CACNA1I: variants seen among roughly 807,000 people sequenced by gnomAD.
The protein encoded by CACNA1I is calcium voltage-gated channel subunit alpha1 I, also known as voltage-dependent T-type calcium channel subunit alpha-1I.
A neutral mutation model predicts 201.6 loss-of-function variants in CACNA1I; 74 were observed. The ratio of observed to expected loss-of-function variants is 0.37; its 90% CI spans 0.30 to 0.45. The LOEUF (loss-of-function observed/expected upper bound fraction) is 0.45. Ranked by LOEUF, CACNA1I falls within the 20% of genes least tolerant of loss-of-function variation. The pLI is 1.00. For missense variants in CACNA1I, 2,346 were observed against 3,138.1 expected (o/e 0.75, Z 6.03); for synonymous variants, 1,431 against 1,345.2 (o/e 1.06, Z -1.40).
In CACNA1I at chr22:39,619,367, G is replaced by C. The variant is rs774253210; in HGVS notation, c.540G>C (p.Val180=). The change falls in exon 4 of 37, where the codon GTG becomes GTC. Residue 180 remains valine (V), a synonymous_variant. Coordinates refer to ENST00000402142, the MANE Select transcript of CACNA1I (RefSeq NM_021096.4). ...QNINLSAIRT[V]RVLRPLKAIN... ...TCAACCTGTCAGCCATCCGCACCGT[G>C]CGCGTCCTGAGGCCCCTCAAAGCCA... 10 of 1,609,774 alleles carry C rather than the reference G, an allele frequency of 6.2e-6. No homozygotes were observed. In the Admixed American group the frequency reaches 1.7e-4, roughly 27 times the overall value.
intron 10 of CACNA1I, among the ~76,000 whole-genome samples, chr22:39,655,392 T>C (rs1934786647): frequency 6.6e-6 from 1 of 152,152 alleles, no homozygotes. Context: ...CCCTACCTCC[T>C]GCCTCTGGCT....
rs998578972 is a variant in CACNA1I, at chr22:39,648,740, CAAAG to C, written c.1568-758_1568-755del. ...TATTCTAGGAATATATAGGAAAACA[CAAAG>C]AAGGCATTAAACCAAGCAGAGAGAG... is the stretch of plus-strand genomic sequence containing the variant. On this transcript the variant is annotated intron_variant, in intron 9 of 36. Transcript: ENST00000402142. This position sits in a 1 kb window ranked among gnomAD's most constrained non-coding sequence, Gnocchi z 5.4. 6.6e-6 allele frequency among the ~76,000 whole-genome samples: 1 copy of C among 152,030 alleles called. No individual in the cohort carries two copies. Among genetic ancestry groups the C allele is most frequent in the South Asian group, 2.1e-4 (1 of 4,822 alleles).
Position 39,673,002 on chromosome 22 carries a change from T to C in CACNA1I, c.4703T>C (p.Leu1568Pro). 1 of 1,613,854 alleles carries C rather than the reference T, an allele frequency of 6.2e-7. No individual in the cohort carries two copies. The highest frequency in any genetic ancestry group is 8.5e-7 in the Non-Finnish European group (1 of 1,179,824). Residue 1568 changes from leucine to proline, a missense_variant, in exon 28 of 37, where the codon CTG becomes CCG. Physicochemically the swap from Leu to Pro is moderately conservative, Grantham distance 98. This residue lies in a region of CACNA1I where 228 missense variants were observed against 395.7 expected (regional missense o/e 0.58). Transcript: ENST00000402142. ...IVLLSVMGIT[L>P]EEIEINAALP... ...CTACTGTCAGTCATGGGCATCACCC[T>C]GGAGGAGATCGAGATCAATGCGGCC...
At chr22:39,613,468 G>A (rs540989787) in intron 3 of CACNA1I, among the ~76,000 whole-genome samples, 2 of 152,318 alleles carry the variant, frequency 1.3e-5, no homozygotes, top group East Asian at 1.9e-4. Flanking sequence ...TTGAGGCTGC[G>A]ATACAATAAT....
At chr22:39,575,779 C>CT in intron 1 of CACNA1I, among the ~76,000 whole-genome samples, 1 of 135,200 alleles carries the variant, frequency 7.4e-6, no homozygotes, top group African/African-American at 2.5e-5. Flanking sequence ...TCTTTTCTTT[C>CT]ATTTTTTTTT....
chr22:39,637,590 T>C (rs1934252369), intron 5 of CACNA1I, among the ~76,000 whole-genome samples: 1 of 152,086 alleles, frequency 6.6e-6, no homozygotes, highest in African/African-American at 2.4e-5. Flanking sequence ...TTATGAGTCA[T>C]AAGAGCCAAA....
rs952247990 is a variant in CACNA1I, at chr22:39,684,933, G to A, written c.6027+435G>A. 2.1e-5 allele frequency: 7 copies of A among 336,240 alleles called. No homozygotes were observed. The highest frequency in any genetic ancestry group is 1.3e-4 in the African/African-American group (6 of 47,898). 20.8% of individuals were successfully genotyped at this position (336,240 alleles called of 1,614,324 possible). A position where few individuals can be genotyped will look rare whatever the true frequency, so the allele number is the denominator to read the frequency against. On this transcript the variant is annotated intron_variant, in intron 36 of 36. Coordinates refer to ENST00000402142, the MANE Select transcript of CACNA1I (RefSeq NM_021096.4). This position sits in a 1 kb window ranked among gnomAD's most constrained non-coding sequence, Gnocchi z 4.6. ...CGGGTCTGGTGGATGAGAAGCCTCG[G>A]GCTGCAGGGTCCCCCGTACTGGATT... is the stretch of plus-strand genomic sequence containing the variant.
chr22:39,673,973 G>T lies in CACNA1I; in HGVS notation c.4794G>T (p.Leu1598=). ...RVLRIARVLK[L]LKMATGMRAL... is the part of the protein sequence containing the mutation. ...GGGTCTCGCCCGCAGTGCTGAAGCT[G>T]TTGAAGATGGCCACAGGAATGCGGG... The change falls in exon 29 of 37, where the codon CTG becomes CTT. Residue 1598 remains leucine, a synonymous_variant. Coordinates refer to ENST00000402142, the MANE Select transcript of CACNA1I (RefSeq NM_021096.4). 1 of 1,613,190 alleles carries T rather than the reference G, an allele frequency of 6.2e-7. No homozygotes were observed. Among genetic ancestry groups the T allele is most frequent in the African/African-American group, 1.3e-5 (1 of 75,034 alleles).
chr22:39,571,260 A>T, intron 1 of CACNA1I: 2 of 521,030 alleles, frequency 3.8e-6, no homozygotes, highest in South Asian at 2.0e-5. Flanking sequence ...AAAGTCCTTG[A>T]GTGTGGGCCC....
chr22:39,678,197 A>G, intron 31 of CACNA1I, 89 bp downstream of exon 31: 8 of 1,460,580 alleles, frequency 5.5e-6, no homozygotes, highest in Non-Finnish European at 4.6e-6. Flanking sequence ...CTGCCCACCC[A>G]GGGCCCCACC....
intron 1 of CACNA1I, among the ~76,000 whole-genome samples, chr22:39,591,254 C>T (rs1342753240): frequency 5.3e-5 from 8 of 151,472 alleles, no homozygotes; most frequent in African/African-American, 1.2e-4. Flanking sequence ...CCTCACCTCC[C>T]GGGTTCAAGC....
intron 4 of CACNA1I, among the ~76,000 whole-genome samples, chr22:39,632,047 A>G (rs762830325): frequency 2.6e-5 from 4 of 152,104 alleles, no homozygotes; most frequent in Non-Finnish European, 5.9e-5. Context: ...GCTGCCATTC[A>G]GGGAAGCCAG....
At chr22:39,617,707 C>T (rs1047763275) in intron 3 of CACNA1I, among the ~76,000 whole-genome samples, 5 of 152,116 alleles carry the variant, frequency 3.3e-5, no homozygotes, top group Non-Finnish European at 7.4e-5. Context: ...CCCGCTCCCT[C>T]GCTGCCCCTT....
Position 39,662,183 on chromosome 22 carries a change from T to C in CACNA1I, c.3120T>C (p.Ile1040=). 6.5e-7 allele frequency: 1 copy of C among 1,528,516 alleles called. No homozygotes were observed. The highest frequency in any genetic ancestry group is 8.8e-7 in the Non-Finnish European group (1 of 1,141,188). The allele number at this position is 1,528,516 out of a possible 1,614,324, so 94.7% of individuals were successfully genotyped here. Residue 1040 remains isoleucine (I), a synonymous_variant, in exon 17 of 37, where the codon ATT becomes ATC. Coordinates refer to ENST00000402142, the MANE Select transcript of CACNA1I (RefSeq NM_021096.4). ...APLHTPHAHH[I]HHGPHLAHRH... ...TGCACACCCCACACGCCCACCACAT[T>C]CATCACGGGCCCCATCTGGCGCACC...
chr22:39,623,111 C>T (rs920513643), intron 4 of CACNA1I, among the ~76,000 whole-genome samples: 19 of 152,282 alleles, frequency 1.2e-4, no homozygotes, highest in South Asian at 8.3e-4. Context: ...GGGCATGGGA[C>T]GGGACACGGG....
At chr22:39,635,339 A>AGG (rs113495153) in intron 5 of CACNA1I, among the ~76,000 whole-genome samples, 13 of 150,456 alleles carry the variant, frequency 8.6e-5, no homozygotes, top group African/African-American at 3.2e-4. Flanking sequence ...ATGCGGCAGA[A>AGG]GGGGGGGGGT....
At chr22:39,669,658 G>A (rs1256754723) in intron 24 of CACNA1I, among the ~76,000 whole-genome samples, 1 of 151,698 alleles carries the variant, frequency 6.6e-6, no homozygotes, top group Non-Finnish European at 1.5e-5. Context: ...ATGGGTGGAT[G>A]AGTGGATGGA....
intron 1 of CACNA1I, among the ~76,000 whole-genome samples, chr22:39,586,681 G>C (rs1569048533): frequency 6.6e-6 from 1 of 152,152 alleles, no homozygotes; most frequent in Non-Finnish European, 1.5e-5. Context: ...TGCATGAGAG[G>C]CAGCAGCTCT....
At chr22:39,626,176 G>A (rs897785113) in intron 4 of CACNA1I, among the ~76,000 whole-genome samples, 1 of 152,224 alleles carries the variant, frequency 6.6e-6, no homozygotes, top group African/African-American at 2.4e-5. Flanking sequence ...CCCACTGGCT[G>A]TGGGACCCTG....
Sources: allele counts gnomAD v4.1 joint callset (sites outside exome capture counted in the v4.1 genomes callset), GRCh38; gene constraint gnomAD v4.1.1; regional missense constraint gnomAD v4.1.1; non-coding constraint Gnocchi (gnomAD v3.1); transcripts MANE v1.5; gene names NCBI Gene and HGNC (gene_info 2026-07-23, HGNC 2026-07-21).